TUBB3: variants seen among roughly 807,000 people sequenced by gnomAD.
The protein encoded by TUBB3 is tubulin beta 3 class III, also known as tubulin beta-3 chain.
Under a neutral mutation model 37.8 loss-of-function variants are expected in TUBB3, and 17 were observed. The observed-to-expected ratio is 0.45, with a 90% confidence interval of 0.31 to 0.67. TUBB3 has a LOEUF of 0.67. TUBB3 is among the 30% of genes least tolerant of loss of function. The pLI is 0.07. For missense variants in TUBB3, 262 were observed against 657.9 expected (o/e 0.40, Z 6.58); for synonymous variants, 332 against 278.9 (o/e 1.19, Z -1.90).
intron 1 of TUBB3, among the ~76,000 whole-genome samples, chr16:89,925,908 G>T (rs1384354240): frequency 6.6e-6 from 1 of 152,234 alleles, no homozygotes; most frequent in African/African-American, 2.4e-5. Flanking sequence ...CAGCGCGGAC[G>T]ACTCACCGCG....
chr16:89,923,702 AGCCCCCTCCACACCTGC>A (rs1028874091), intron 1 of TUBB3, among the ~76,000 whole-genome samples: 6 of 152,106 alleles, frequency 3.9e-5, no homozygotes, highest in Admixed American at 3.3e-4. Flanking sequence ...GCGAAGCCTC[AGCCCCCTCCACACCTGC>A]GCCCCCTCCA....
intron 1 of TUBB3, among the ~76,000 whole-genome samples, chr16:89,927,932 G>T (rs1356642133): frequency 1.3e-5 from 2 of 152,238 alleles, no homozygotes. Flanking sequence ...GGGTGTCCCA[G>T]TGCTTTGGGG....
chr16:89,923,772 A>C (rs2029970573), intron 1 of TUBB3, among the ~76,000 whole-genome samples: 2 of 151,894 alleles, frequency 1.3e-5, no homozygotes, highest in Non-Finnish European at 2.9e-5. Flanking sequence ...TGCAGCTGGG[A>C]GCCCTGTCTG....
At chr16:89,928,821 T>A (rs950821461) in intron 1 of TUBB3, among the ~76,000 whole-genome samples, 6 of 149,398 alleles carry the variant, frequency 4.0e-5, no homozygotes, top group African/African-American at 7.6e-5. Flanking sequence ...AGCCACTGCG[T>A]CTGGCCTAAT....
intron 3 of TUBB3, chr16:89,933,791 G>A (rs778805271): frequency 7.1e-6 from 5 of 703,660 alleles, no homozygotes; most frequent in Non-Finnish European, 1.3e-5. Flanking sequence ...ATTTCAAGTG[G>A]AATGAAGTGT....
chr16:89,927,711 C>G (rs1004505731), intron 1 of TUBB3, among the ~76,000 whole-genome samples: 2 of 152,242 alleles, frequency 1.3e-5, no homozygotes, highest in African/African-American at 4.8e-5. Context: ...GGGCACCATT[C>G]ACACGTTCAT....
chr16:89,932,646 G>A lies in TUBB3; in HGVS notation c.133G>A (p.Glu45Lys). 1 of 1,614,102 alleles carries A rather than the reference G, an allele frequency of 6.2e-7. No homozygotes were observed. Among genetic ancestry groups the A allele is most frequent in the Non-Finnish European group, 8.5e-7 (1 of 1,180,016 alleles). ...CGTGGGCGACTCGGACTTGCAGCTG[G>A]AGCGGATCAGCGTCTACTACAACGA... ...NYVGDSDLQL[E>K]RISVYYNEAS... The change falls in exon 2 of 4, where the codon GAG (glutamate) becomes AAG (lysine). Residue 45 changes from glutamate (E) to lysine (K), a missense_variant. This residue lies in a region of TUBB3 where 58 missense variants were observed against 74.2 expected (regional missense o/e 0.78). Coordinates refer to ENST00000315491, the MANE Select transcript of TUBB3 (RefSeq NM_006086.4).
intron 1 of TUBB3, chr16:89,932,068 C>A (rs1198329997): frequency 3.5e-6 from 1 of 288,414 alleles, no homozygotes; most frequent in Non-Finnish European, 6.9e-6. Context: ...GGCACCATCA[C>A]TGGACATGGT....
At position 89,935,761 on chromosome 16, in the gene TUBB3, A is replaced by G; in HGVS notation, c.1310A>G (p.Tyr437Cys). 1 of 1,613,900 alleles carries G rather than the reference A, an allele frequency of 6.2e-7. No homozygotes were observed. Among genetic ancestry groups the G allele is most frequent in the Non-Finnish European group, 8.5e-7 (1 of 1,179,954 alleles). Residue 437 changes from tyrosine to cysteine, a missense_variant, in exon 4 of 4, where the codon TAC (tyrosine) becomes TGC (cysteine). Physicochemically the swap from Tyr to Cys is radical, Grantham distance 194. Coordinates refer to ENST00000315491, the MANE Select transcript of TUBB3 (RefSeq NM_006086.4). ...ACGGCCGAGGAAGAGGGCGAGATGT[A>G]CGAAGACGACGAGGAGGAGTCGGAG... is the stretch of plus-strand genomic sequence containing the variant. ...DATAEEEGEM[Y>C]EDDEEESEAQ...
chr16:89,926,006 G>C (rs1394459986), intron 1 of TUBB3, among the ~76,000 whole-genome samples: 6 of 152,114 alleles, frequency 3.9e-5, no homozygotes, highest in Non-Finnish European at 7.4e-5. Flanking sequence ...GAGAAAACCC[G>C]AAGCCCGGAA....
chr16:89,934,328 A>T, intron 3 of TUBB3: 1 of 481,876 alleles, frequency 2.1e-6, no homozygotes, highest in Non-Finnish European at 4.1e-6. Flanking sequence ...TCCCGACCGC[A>T]GCACATCCAG....
rs983754382 is a variant in TUBB3, at chr16:89,932,692, C to T, written c.166+13C>T. On this transcript the variant is annotated intron_variant, in intron 2 of 3. Transcript: ENST00000315491. ...AACGAGGCCTCTTGTGAGTGCCTGC[C>T]CCAGCCTCCCTATCCCAGCCCTGGA... 1.2e-6 allele frequency: 2 copies of T among 1,604,840 alleles called. No individual in the cohort carries two copies. Among genetic ancestry groups the T allele is most frequent in the Non-Finnish European group, 1.7e-6 (2 of 1,172,164 alleles).
intron 1 of TUBB3, among the ~76,000 whole-genome samples, chr16:89,924,475 G>A (rs1027541781): frequency 6.7e-6 from 1 of 150,284 alleles, no homozygotes; most frequent in African/African-American, 2.5e-5. Context: ...CGGGGGGGGA[G>A]GCTGGCTTTG....
At chr16:89,927,584 T>TTTTTTTTTTTTTTTTTTTTTTTTTTG (rs2030131966) in intron 1 of TUBB3, among the ~76,000 whole-genome samples, 1 of 152,020 alleles carries the variant, frequency 6.6e-6, no homozygotes, top group African/African-American at 2.4e-5. Flanking sequence ...CCATTTTTTT[T>TTTTTTTTTTTTTTTTTTTTTTTTTTG]AAGTGACCTG....
intron 2 of TUBB3, chr16:89,933,049 T>A: frequency 2.1e-6 from 1 of 465,574 alleles, no homozygotes; most frequent in Non-Finnish European, 4.0e-6. Flanking sequence ...GATTTCCATA[T>A]CAAAGTGGTG....
intron 2 of TUBB3, 169 bp downstream of exon 2, chr16:89,932,848 C>G: frequency 3.0e-6 from 2 of 657,754 alleles, no homozygotes; most frequent in Non-Finnish European, 5.5e-6. Context: ...GGCATCCAGA[C>G]GCACAGAACA....
rs150813482 is a variant in TUBB3 at position 89,930,093 on chromosome 16, A to ATTCC, written c.58-2455_58-2452dup. On this transcript the variant is annotated intron_variant, in intron 1 of 3. Coordinates refer to ENST00000315491, the MANE Select transcript of TUBB3 (RefSeq NM_006086.4). ...CTCTCTTTCCTTTCTTTCTTCCTTC[A>ATTCC]TTCCTTCCTTCCTTCCTTCCTTCCT... 9.1e-3 allele frequency among the ~76,000 whole-genome samples: 1,112 copies of ATTCC among 122,108 alleles called. 5 individuals carry two copies. The highest frequency in any genetic ancestry group is 0.013 in the Middle Eastern group (3 of 224). 80.1% of individuals were successfully genotyped at this position (122,108 alleles called of 152,430 possible).
chr16:89,932,412 C>T (rs1597423022), intron 1 of TUBB3, among the ~76,000 whole-genome samples, 159 bp from the exon 2 acceptor site: 1 of 152,182 alleles, frequency 6.6e-6, no homozygotes, highest in Non-Finnish European at 1.5e-5. Flanking sequence ...AATTTTCTGA[C>T]AGGTAACAGA....
intron 1 of TUBB3, among the ~76,000 whole-genome samples, chr16:89,929,733 C>T (rs1001155452): frequency 1.1e-4 from 17 of 152,178 alleles, no homozygotes; most frequent in African/African-American, 3.9e-4. Context: ...ACGGTGTTTC[C>T]TTCTGTTGCC....
Sources: gnomAD v4.1 joint callset for allele counts (sites outside exome capture counted in the v4.1 genomes callset) on GRCh38, gnomAD v4.1.1 for gene constraint, gnomAD v4.1.1 regional missense constraint, MANE v1.5 for transcripts, NCBI Gene and HGNC (gene_info 2026-07-23, HGNC 2026-07-21) for gene names.